ACAD10: variants seen among roughly 807,000 people sequenced by gnomAD.
ACAD10 encodes the protein acyl-CoA dehydrogenase family member 10, also known as ACAD-10.
ACAD10 carries 112 observed loss-of-function variants against 116.8 expected under a neutral mutation model. That is an observed-to-expected ratio of 0.96 (90% CI 0.82 to 1.12). The LOEUF is 1.12. Among genes scored for constraint, ACAD10 ranks in the 50% most tolerant of loss-of-function variants. The pLI, the probability that ACAD10 is intolerant of heterozygous loss-of-function variation, is 0.00. For synonymous variants in ACAD10, 486 were observed against 510.6 expected (o/e 0.95, Z 0.65); for missense variants, 1,259 against 1,350.2 (o/e 0.93, Z 1.06).
At chr12:111,755,196 G>A (rs7973164) in intron 19 of ACAD10, among the ~76,000 whole-genome samples, 5,154 of 152,198 alleles carry the variant, frequency 0.034, 305 homozygotes, top group African/African-American at 0.12. Flanking sequence ...TCCGCCTCCC[G>A]GGTTCAAGCA....
At chr12:111,746,869 A>G (rs1435693609) in intron 14 of ACAD10, among the ~76,000 whole-genome samples, 180 bp from the exon 15 acceptor site, 1 of 152,172 alleles carries the variant, frequency 6.6e-6, no homozygotes, top group Non-Finnish European at 1.5e-5. Flanking sequence ...GTGATGGTGC[A>G]TACCTGTAGT....
intron 1 of ACAD10, among the ~76,000 whole-genome samples, chr12:111,691,507 G>A (rs889276728): frequency 3.3e-5 from 5 of 151,938 alleles, no homozygotes; most frequent in Non-Finnish European, 7.4e-5. Flanking sequence ...GAGAACATGC[G>A]TTTGAGGAAA....
At chr12:111,747,418 C>T (rs370280462) in intron 16 of ACAD10, 33 bp downstream of exon 16, 33 of 1,610,804 alleles carry the variant, frequency 2.0e-5, no homozygotes, top group East Asian at 1.3e-4. Context: ...TCCAAATGCA[C>T]ATCAGGGAGT....
chr12:111,735,530 A>G (rs1889523589), intron 11 of ACAD10, among the ~76,000 whole-genome samples: 1 of 150,644 alleles, frequency 6.6e-6, no homozygotes, highest in African/African-American at 2.4e-5. Context: ...ATCTCAGCTC[A>G]CTGCAAGCTC....
chr12:111,724,126 G>T (rs1033902157), intron 8 of ACAD10, among the ~76,000 whole-genome samples: 1 of 147,358 alleles, frequency 6.8e-6, no homozygotes, highest in Non-Finnish European at 1.5e-5. Context: ...GGGCGGATAC[G>T]CTCCTCACTT....
chr12:111,693,025 T>G, intron 2 of ACAD10, 129 bp downstream of exon 2: 2 of 1,059,592 alleles, frequency 1.9e-6, no homozygotes, highest in Non-Finnish European at 2.7e-6. Context: ...GGCTCTCGAG[T>G]CGAATTCCAA....
intron 2 of ACAD10, among the ~76,000 whole-genome samples, chr12:111,697,466 T>G (rs1384905204): frequency 1.3e-5 from 2 of 150,324 alleles, no homozygotes; most frequent in Middle Eastern, 3.2e-3. Flanking sequence ...GTTCAAGCAA[T>G]TCTCGTGCCT....
chr12:111,715,691 CT>C lies in ACAD10; in HGVS notation c.851-126del, dbSNP rs1389684479. 1.0e-5 allele frequency: 13 copies of C among 1,289,562 alleles called. No individual in the cohort carries two copies. The African/African-American group carries it at 1.8e-4, about 18-fold the overall frequency. 79.9% of individuals were successfully genotyped at this position (1,289,562 alleles called of 1,614,324 possible). On this transcript the variant is annotated intron_variant, in intron 6 of 20. Transcript: ENST00000313698. ...ACTCCTAGTAGGCAGAGAAGAGGTA[CT>C]TTTCTTGCACTGCATGGCAGATGAG...
intron 5 of ACAD10, among the ~76,000 whole-genome samples, chr12:111,711,572 C>T (rs576660020): frequency 7.4e-6 from 1 of 134,598 alleles, no homozygotes; most frequent in African/African-American, 2.8e-5. Context: ...TCGTCCAGTC[C>T]AGACTGCAGT....
At chr12:111,710,255 T>C (rs1888633490) in intron 5 of ACAD10, 1 of 453,066 alleles carries the variant, frequency 2.2e-6, no homozygotes, top group African/African-American at 2.0e-5. Flanking sequence ...ACCCGACTAA[T>C]TTTTGTATTT....
intron 6 of ACAD10, among the ~76,000 whole-genome samples, chr12:111,712,883 C>T (rs920853394): frequency 6.6e-6 from 1 of 152,202 alleles, no homozygotes; most frequent in African/African-American, 2.4e-5. Flanking sequence ...CCCACTCTTA[C>T]ACCTGAGAGT....
chr12:111,717,740 T>G (rs1566151293), intron 7 of ACAD10, among the ~76,000 whole-genome samples: 1 of 152,078 alleles, frequency 6.6e-6, no homozygotes, highest in Admixed American at 6.6e-5. Flanking sequence ...AAAATTTTTT[T>G]GTAGAGATGG....
intron 2 of ACAD10, 181 bp downstream of exon 2, chr12:111,693,077 T>C: frequency 1.6e-6 from 1 of 629,714 alleles, no homozygotes; most frequent in Non-Finnish European, 2.7e-6. Flanking sequence ...ATGATTCAGC[T>C]TCTCCAAATC....
At chr12:111,724,410 G>A (rs1396416962) in intron 8 of ACAD10, among the ~76,000 whole-genome samples, 4 of 152,288 alleles carry the variant, frequency 2.6e-5, no homozygotes, top group Non-Finnish European at 2.9e-5. Context: ...GGTGGCGGCC[G>A]GGCAGAGGCT....
rs997117592 is a variant in ACAD10, at chr12:111,688,737, G to A, written c.-14+2498G>A. 3.3e-5 allele frequency among the ~76,000 whole-genome samples: 5 copies of A among 151,256 alleles called. No homozygotes were observed. In the South Asian group the frequency reaches 6.3e-4, roughly 19 times the overall value. On this transcript the variant is annotated intron_variant, in intron 1 of 20. Coordinates refer to ENST00000313698, the MANE Select transcript of ACAD10 (RefSeq NM_025247.6). ...AGAGAATAGCTTGAACCTGGGAGGC[G>A]GTTGCAGTGAGCCGAGATCACACCA... is the stretch of plus-strand genomic sequence containing the variant.
At chr12:111,730,878 A>C (rs928086338) in intron 10 of ACAD10, among the ~76,000 whole-genome samples, 1 of 151,498 alleles carries the variant, frequency 6.6e-6, no homozygotes, top group Non-Finnish European at 1.5e-5. Context: ...CAGCCTCCCG[A>C]GCAGCTGGGA....
At chr12:111,724,115 T>C (rs1330460543) in intron 8 of ACAD10, among the ~76,000 whole-genome samples, 1 of 130,014 alleles carries the variant, frequency 7.7e-6, no homozygotes, top group Non-Finnish European at 1.6e-5. Flanking sequence ...GGATGGCGTC[T>C]GGGCGGATAC....
intron 2 of ACAD10, among the ~76,000 whole-genome samples, chr12:111,696,120 G>A (rs602276): frequency 0.18 from 27,032 of 151,304 alleles, 2,503 homozygotes; most frequent in East Asian, 0.28. Context: ...GGAGTGCAGT[G>A]GTACAATCAT....
intron 1 of ACAD10, among the ~76,000 whole-genome samples, chr12:111,689,873 G>A (rs1244581659): frequency 1.3e-5 from 2 of 151,908 alleles, no homozygotes; most frequent in Non-Finnish European, 2.9e-5. Flanking sequence ...CCACCACCAC[G>A]CCCGGCTAAT....
Sources: gnomAD v4.1 joint callset for allele counts (sites outside exome capture counted in the v4.1 genomes callset) on GRCh38, gnomAD v4.1.1 for gene constraint, MANE v1.5 for transcripts, NCBI Gene and HGNC (gene_info 2026-07-23, HGNC 2026-07-21) for gene names.